LYPLAL1: variants seen among roughly 807,000 people sequenced by gnomAD.
The protein encoded by LYPLAL1 is lysophospholipase-like protein 1.
LYPLAL1 carries 23 observed loss-of-function variants against 19.7 expected under a neutral mutation model. The ratio of observed to expected loss-of-function variants is 1.17; its 90% CI spans 0.84 to 1.65. LYPLAL1 has a LOEUF of 1.65. Among genes scored for constraint, LYPLAL1 ranks in the 40% most tolerant of loss-of-function variants. The probability of loss-of-function intolerance (pLI) is 0.00; values close to 1 mark genes in which losing one functional copy is unlikely to be tolerated. For missense variants in LYPLAL1, 355 were observed against 279.4 expected (o/e 1.27, Z -1.93); for synonymous variants, 119 against 96.3 (o/e 1.24, Z -1.38).
the LYPLAL1 span, among the ~76,000 whole-genome samples, chr1:219,297,281 A>C: frequency 6.6e-6 from 1 of 152,230 alleles, no homozygotes; most frequent in Non-Finnish European, 1.5e-5. Flanking sequence ...AACTGTATTT[A>C]TGATGCTTGT....
chr1:219,242,452 C>T, the LYPLAL1 span, among the ~76,000 whole-genome samples: 1 of 152,148 alleles, frequency 6.6e-6, no homozygotes. Context: ...GAGACAGAAG[C>T]AGGGCCTATT....
the LYPLAL1 span, among the ~76,000 whole-genome samples, chr1:219,374,325 A>G: frequency 6.6e-6 from 1 of 152,124 alleles, no homozygotes; most frequent in African/African-American, 2.4e-5. Flanking sequence ...GACCATATTT[A>G]TATCAGCCGT....
At chr1:219,281,106 AAAG>A in the LYPLAL1 span, among the ~76,000 whole-genome samples, 1 of 152,212 alleles carries the variant, frequency 6.6e-6, no homozygotes, top group Non-Finnish European at 1.5e-5. Context: ...AATTAGTTTT[AAAG>A]AAGTACTCAG....
chr1:219,350,910 A>G, the LYPLAL1 span, among the ~76,000 whole-genome samples: 8 of 152,072 alleles, frequency 5.3e-5, no homozygotes, highest in South Asian at 2.1e-4. Context: ...GCTGAAACCA[A>G]TTCCTGGCAG....
the LYPLAL1 span, among the ~76,000 whole-genome samples, chr1:219,370,790 C>G: frequency 1.3e-5 from 2 of 152,114 alleles, no homozygotes; most frequent in Non-Finnish European, 2.9e-5. Flanking sequence ...TTTCTGGGCC[C>G]TTTCATAGGA....
the LYPLAL1 span, among the ~76,000 whole-genome samples, chr1:219,445,044 A>C: frequency 6.6e-6 from 1 of 151,828 alleles, no homozygotes; most frequent in African/African-American, 2.4e-5. Flanking sequence ...ACAACCTAAA[A>C]AGGAAAGAAA....
chr1:219,401,791 G>A, the LYPLAL1 span, among the ~76,000 whole-genome samples: 1 of 152,092 alleles, frequency 6.6e-6, no homozygotes, highest in Non-Finnish European at 1.5e-5. Context: ...TAGTCCTATT[G>A]CTAGTAGGAT....
the LYPLAL1 span, among the ~76,000 whole-genome samples, chr1:219,348,526 T>C: frequency 2.0e-5 from 3 of 152,214 alleles, no homozygotes; most frequent in Non-Finnish European, 4.4e-5. Flanking sequence ...AGAATATGTC[T>C]TCAGTCTTCT....
chr1:219,367,093 G>T, the LYPLAL1 span, among the ~76,000 whole-genome samples: 1 of 151,916 alleles, frequency 6.6e-6, no homozygotes, highest in Non-Finnish European at 1.5e-5. Context: ...TTTACCCCGA[G>T]ATAACTTTGC....
At chr1:219,378,947 A>G in the LYPLAL1 span, among the ~76,000 whole-genome samples, 1 of 152,206 alleles carries the variant, frequency 6.6e-6, no homozygotes, top group African/African-American at 2.4e-5. Context: ...CTTGTTCACC[A>G]TTAAATGCTG....
chr1:219,372,730 C>T, the LYPLAL1 span, among the ~76,000 whole-genome samples: 2 of 151,812 alleles, frequency 1.3e-5, no homozygotes, highest in African/African-American at 4.8e-5. Flanking sequence ...TGAAACCCTG[C>T]CTCTACAAAA....
chr1:219,409,966 A>G, the LYPLAL1 span: 1 of 152,230 alleles, frequency 6.6e-6, no homozygotes, highest in African/African-American at 2.4e-5. Flanking sequence ...AAAAGCCACT[A>G]CATTTGTACC....
rs570953229 is a variant in LYPLAL1 at position 219,208,106 on chromosome 1, G to A, written c.362-2426G>A. ...AAGTAAATGGGCTGTAAAGAACAGA[G>A]GGGAAATTGGAAGAGATGAAGGAAG... On this transcript the variant is annotated intron_variant, in intron 3 of 4. Coordinates refer to ENST00000366928, the MANE Select transcript of LYPLAL1 (RefSeq NM_138794.5). 1.6e-4 allele frequency among the ~76,000 whole-genome samples: 24 copies of A among 152,136 alleles called. 1 individual carries two copies. The South Asian group carries it at 5.0e-3, about 32-fold the overall frequency.
chr1:219,352,989 G>A, the LYPLAL1 span, among the ~76,000 whole-genome samples: 5 of 152,308 alleles, frequency 3.3e-5, no homozygotes, highest in East Asian at 1.9e-4. Context: ...ACTGTCATGC[G>A]TAACTGGTAC....
intron 3 of LYPLAL1, among the ~76,000 whole-genome samples, chr1:219,208,548 A>G (rs1352286583): frequency 1.3e-5 from 2 of 152,050 alleles, no homozygotes; most frequent in Non-Finnish European, 2.9e-5. Flanking sequence ...GCTATGTGCA[A>G]AGCACTATAC....
the LYPLAL1 span, among the ~76,000 whole-genome samples, chr1:219,288,104 A>T: frequency 1.3e-5 from 2 of 152,162 alleles, no homozygotes; most frequent in Non-Finnish European, 2.9e-5. Flanking sequence ...AAATCCAGCG[A>T]TCACACCTTG....
At chr1:219,207,612 G>A (rs190235921) in intron 3 of LYPLAL1, among the ~76,000 whole-genome samples, 4 of 152,122 alleles carry the variant, frequency 2.6e-5, no homozygotes, top group South Asian at 2.1e-4. Context: ...GCCAGGCACT[G>A]TTGTAAGCAT....
chr1:219,312,701 C>T, the LYPLAL1 span, among the ~76,000 whole-genome samples: 2 of 152,144 alleles, frequency 1.3e-5, no homozygotes, highest in African/African-American at 4.8e-5. Flanking sequence ...CAGTGCTCCT[C>T]GGGATTTTTG....
At chr1:219,413,475 T>A in the LYPLAL1 span, among the ~76,000 whole-genome samples, 218 of 152,332 alleles carry the variant, frequency 1.4e-3, 1 homozygote, top group East Asian at 0.025. Flanking sequence ...AAGAATCAGA[T>A]AACTCCTAAT....
Sources: allele counts gnomAD v4.1 joint callset (sites outside exome capture counted in the v4.1 genomes callset), GRCh38; gene constraint gnomAD v4.1.1; transcripts MANE v1.5; gene names NCBI Gene and HGNC (gene_info 2026-07-23, HGNC 2026-07-21).